CCDC81: variants seen among roughly 807,000 people sequenced by gnomAD.
CCDC81 encodes coiled-coil domain containing 81.
A neutral mutation model predicts 83.7 loss-of-function variants in CCDC81; 79 were observed. The ratio of observed to expected loss-of-function variants is 0.94; its 90% confidence interval spans 0.79 to 1.14. CCDC81 has a LOEUF of 1.14. CCDC81 is among the 50% of genes most tolerant of loss of function. The pLI is 0.00. For synonymous variants in CCDC81, 252 were observed against 278.1 expected (o/e 0.91, Z 0.93); for missense variants, 791 against 778.1 (o/e 1.02, Z -0.20).
At chr11:86,400,657 C>T (rs751569154) in intron 6 of CCDC81, 21 bp from the exon 7 acceptor site, 1 of 1,574,676 alleles carries the variant, frequency 6.4e-7, no homozygotes. Context: ...GACTCGTTTT[C>T]ATTCATTCTT....
intron 14 of CCDC81, among the ~76,000 whole-genome samples, chr11:86,421,657 C>T (rs571892784): frequency 2.0e-4 from 31 of 152,232 alleles, no homozygotes; most frequent in Non-Finnish European, 4.4e-4. Flanking sequence ...TGGCTCATGC[C>T]TGTAATCACA....
At chr11:86,382,483 C>T (rs955943283) in intron 1 of CCDC81, among the ~76,000 whole-genome samples, 2 of 151,984 alleles carry the variant, frequency 1.3e-5, no homozygotes, top group African/African-American at 4.8e-5. Flanking sequence ...TCACTGAGAC[C>T]GAAATCCTGG....
At chr11:86,403,835 G>A (rs542462702) in intron 7 of CCDC81, among the ~76,000 whole-genome samples, 65 of 152,288 alleles carry the variant, frequency 4.3e-4, no homozygotes, top group Non-Finnish European at 8.5e-4. Flanking sequence ...TTTGGGGAAA[G>A]GTAATAAGGG....
At chr11:86,402,413 T>C (rs1948505354) in intron 7 of CCDC81, among the ~76,000 whole-genome samples, 1 of 152,212 alleles carries the variant, frequency 6.6e-6, no homozygotes, top group Non-Finnish European at 1.5e-5. Flanking sequence ...ATTTAATAAG[T>C]GGTGATTTCC....
intron 1 of CCDC81, among the ~76,000 whole-genome samples, chr11:86,380,042 C>CT (rs34548401): frequency 1.3e-3 from 182 of 144,700 alleles, no homozygotes; most frequent in South Asian, 3.7e-3. Flanking sequence ...ATGGTCTTCC[C>CT]TTTTTTTTTT....
chr11:86,422,529 G>A (rs764199406), intron 14 of CCDC81, 45 bp from the exon 15 acceptor site: 4 of 1,581,122 alleles, frequency 2.5e-6, no homozygotes, highest in Non-Finnish European at 3.4e-6. Context: ...GGGCCTCCAG[G>A]AACTCCAGGA....
chr11:86,402,553 ATGT>A (rs34646564), intron 7 of CCDC81, among the ~76,000 whole-genome samples: 52,602 of 151,944 alleles, frequency 0.35, 9,499 homozygotes, highest in Admixed American at 0.41. Flanking sequence ...ACTATAAATA[ATGT>A]TGTGAAAATA....
chr11:86,398,501 A>G (rs1948439467), intron 6 of CCDC81, among the ~76,000 whole-genome samples: 2 of 152,076 alleles, frequency 1.3e-5, no homozygotes, highest in Non-Finnish European at 1.5e-5. Context: ...GGTGGAAGCA[A>G]ATGAAGAAAA....
chr11:86,423,042 C>T lies in CCDC81; in HGVS notation c.*327C>T, dbSNP rs2138550983. The T allele has an allele frequency of 1.2e-5, 3 of 250,484 alleles. No individual in the cohort carries two copies. The East Asian group carries it at 2.6e-4, about 22-fold the overall frequency. The allele number at this position is 250,484 out of a possible 1,614,324, so 15.5% of individuals were successfully genotyped here. Reference sequence around the variant, plus strand: ...ACCCAGCCCTGCTGCTGCTCCATGACTTTGTGTACAAAACTTTTTTCATCT... The same window carrying T: ...ACCCAGCCCTGCTGCTGCTCCATGATTTTGTGTACAAAACTTTTTTCATCT... On this transcript the variant is annotated 3_prime_UTR_variant, in exon 15 of 15. Coordinates refer to ENST00000445632, the MANE Select transcript of CCDC81 (RefSeq NM_001156474.2).
chr11:86,397,624 T>C lies in CCDC81; in HGVS notation c.639T>C (p.Ile213=), dbSNP rs1948425697. ...AAACATATTGGCTCATTCCTAGGATTGAGCTCAAGGAGATGGAAAACAAAC... is the reference window on the plus strand; with the variant it reads ...AAACATATTGGCTCATTCCTAGGATCGAGCTCAAGGAGATGGAAAACAAAC... ...WPSSVLAFPR[I]ELKEMENKLP... is the part of the protein sequence containing the mutation. The change falls in exon 6 of 15, where the codon ATT becomes ATC. Residue 213 remains isoleucine, a synonymous_variant. Coordinates refer to ENST00000445632, the MANE Select transcript of CCDC81 (RefSeq NM_001156474.2). 1 of 1,611,440 alleles carries C rather than the reference T, an allele frequency of 6.2e-7. No homozygotes were observed. The highest frequency in any genetic ancestry group is 1.7e-5 in the Admixed American group (1 of 59,584).
At chr11:86,390,761 C>T (rs1430478534) in intron 3 of CCDC81, among the ~76,000 whole-genome samples, 1 of 151,904 alleles carries the variant, frequency 6.6e-6, no homozygotes, top group Admixed American at 6.6e-5. Flanking sequence ...GATGGATGCT[C>T]ATGCTATCAA....
At chr11:86,398,878 CATT>C (rs1948445187) in intron 6 of CCDC81, among the ~76,000 whole-genome samples, 1 of 152,164 alleles carries the variant, frequency 6.6e-6, no homozygotes, top group Non-Finnish European at 1.5e-5. Context: ...CAGCCACAGA[CATT>C]TTGAAAGGGT....
intron 3 of CCDC81, 30 bp from the exon 4 acceptor site, chr11:86,392,511 C>T: frequency 6.5e-7 from 1 of 1,544,398 alleles, no homozygotes; most frequent in Non-Finnish European, 8.8e-7. Flanking sequence ...CACTTTCTTT[C>T]TCCCACCCCA....
intron 1 of CCDC81, among the ~76,000 whole-genome samples, chr11:86,376,839 C>T (rs1000591605): frequency 2.0e-5 from 3 of 152,142 alleles, no homozygotes; most frequent in Admixed American, 6.5e-5. Context: ...CATTAGAGTT[C>T]TTTCTTGGTG....
At chr11:86,397,194 A>G (rs1948421262) in intron 5 of CCDC81, among the ~76,000 whole-genome samples, 1 of 152,096 alleles carries the variant, frequency 6.6e-6, no homozygotes, top group African/African-American at 2.4e-5. Flanking sequence ...TGAAGTGGCA[A>G]AGGAGGGAGG....
chr11:86,420,511 C>T (rs141736886), intron 14 of CCDC81, among the ~76,000 whole-genome samples: 1,550 of 151,966 alleles, frequency 0.01, 11 homozygotes, highest in Non-Finnish European at 0.017. Flanking sequence ...ATATGCCTGC[C>T]CAATCCTCAG....
chr11:86,410,399 G>A (rs1216875548), intron 10 of CCDC81, among the ~76,000 whole-genome samples: 1 of 152,128 alleles, frequency 6.6e-6, no homozygotes, highest in African/African-American at 2.4e-5. Context: ...AGACAACTGT[G>A]TGGTATAATA....
chr11:86,390,294 G>A (rs1948308717), intron 3 of CCDC81, among the ~76,000 whole-genome samples: 2 of 152,086 alleles, frequency 1.3e-5, no homozygotes, highest in Admixed American at 6.6e-5. Flanking sequence ...AGATATTTCA[G>A]GAACAATATG....
Position 86,412,402 on chromosome 11 carries a change from GA to G in CCDC81, c.1235del (p.Asp412AlafsTer22). 1 of 1,590,048 alleles carries G rather than the reference GA, an allele frequency of 6.3e-7. No homozygotes were observed. The highest frequency in any genetic ancestry group is 8.5e-7 in the Non-Finnish European group (1 of 1,172,058). On this transcript the variant is annotated frameshift_variant, in exon 11 of 15. Transcript: ENST00000445632. LOFTEE classifies it high-confidence loss of function. ...KPEFYKSFLF[D>X]KRPLSPALNA... Reference sequence around the variant, plus strand: ...TTCATTCTAGAAATCCTTCCTATTTGACAAACGGCCACTCAGTCCTGCGCTT... The same window carrying G: ...TTCATTCTAGAAATCCTTCCTATTTGCAAACGGCCACTCAGTCCTGCGCTT...
Sources: allele counts gnomAD v4.1 joint callset (sites outside exome capture counted in the v4.1 genomes callset), GRCh38; gene constraint gnomAD v4.1.1; transcripts MANE v1.5; gene names NCBI Gene and HGNC (gene_info 2026-07-23, HGNC 2026-07-21).